The following ANXA8 variants were observed in gnomAD, a reference collection of about 807,000 sequenced individuals.
The protein encoded by ANXA8 is VAC-beta.
In ANXA8, 9 loss-of-function variants were observed where a neutral mutation model predicts 26.8. The observed-to-expected ratio is 0.34, with a 90% CI of 0.20 to 0.59. The LOEUF (loss-of-function observed/expected upper bound fraction) is 0.59. Ranked by LOEUF, ANXA8 falls within the 20% of genes least tolerant of loss-of-function variation. The pLI, the probability that ANXA8 is intolerant of heterozygous loss-of-function variation, is 0.84. For synonymous variants in ANXA8, 39 were observed against 94.8 expected, an observed-to-expected ratio of 0.41 and a Z score of 3.42; for missense variants, 83 against 238.5, an observed-to-expected ratio of 0.35 and a Z score of 4.29.
At chr10:47,733,175 T>TTCTTTCTTTCTTTCTCTC in the ANXA8 span, among the ~76,000 whole-genome samples, 1 of 93,270 alleles carries the variant, frequency 1.1e-5, no homozygotes, top group African/African-American at 3.2e-5. Context: ...CTTTCTTTCT[T>TTCTTTCTTTCTTTCTCTC]TCTTTCTTTC....
At chr10:47,605,075 AAAGGAATTATC>A in the ANXA8 span, among the ~76,000 whole-genome samples, 1 of 150,196 alleles carries the variant, frequency 6.7e-6, no homozygotes, top group Non-Finnish European at 1.5e-5. Context: ...ACACTCTAGG[AAAGGAATTATC>A]AATCTGTTTA....
At chr10:47,627,384 T>C in the ANXA8 span, among the ~76,000 whole-genome samples, 9 of 150,242 alleles carry the variant, frequency 6.0e-5, 1 homozygote, top group African/African-American at 2.3e-4. Context: ...TTCTTGAAGT[T>C]TCTCTCAAAC....
chr10:47,776,657 G>A, the ANXA8 span, among the ~76,000 whole-genome samples: 4 of 151,886 alleles, frequency 2.6e-5, no homozygotes, highest in Admixed American at 6.6e-5. Flanking sequence ...AACAATCTCT[G>A]GCCAGGAAAC....
At chr10:47,618,480 G>C in the ANXA8 span, among the ~76,000 whole-genome samples, 2 of 110,262 alleles carry the variant, frequency 1.8e-5, no homozygotes, top group Non-Finnish European at 3.9e-5. Context: ...TTTTAATGTG[G>C]TATCAAATTT....
chr10:47,747,223 G>C, the ANXA8 span, among the ~76,000 whole-genome samples: 3 of 152,178 alleles, frequency 2.0e-5, no homozygotes, highest in South Asian at 6.2e-4. Flanking sequence ...TCTTCAGCTG[G>C]AGAGACAAGA....
At chr10:47,605,960 C>T in the ANXA8 span, among the ~76,000 whole-genome samples, 1 of 150,766 alleles carries the variant, frequency 6.6e-6, no homozygotes, top group African/African-American at 2.5e-5. Flanking sequence ...AACATCTATC[C>T]TTCCAAAAGT....
the ANXA8 span, among the ~76,000 whole-genome samples, chr10:47,769,045 G>A: frequency 2.1e-5 from 3 of 146,100 alleles, no homozygotes; most frequent in Admixed American, 6.8e-5. Context: ...TCTCAGTCCT[G>A]ACCACAGGCC....
At chr10:47,593,513 C>A in the ANXA8 span, among the ~76,000 whole-genome samples, 1 of 149,890 alleles carries the variant, frequency 6.7e-6, no homozygotes, top group East Asian at 1.9e-4. Flanking sequence ...ACCAAGACCC[C>A]ACCTGCCAGC....
At chr10:47,586,204 C>A in the ANXA8 span, among the ~76,000 whole-genome samples, 1 of 145,416 alleles carries the variant, frequency 6.9e-6, no homozygotes, top group Non-Finnish European at 1.5e-5. Context: ...GAATCCCCGT[C>A]CACCATATAC....
chr10:47,956,734 G>C, the ANXA8 span, among the ~76,000 whole-genome samples: 4 of 150,378 alleles, frequency 2.7e-5, no homozygotes, highest in African/African-American at 7.4e-5. Flanking sequence ...AATGAGCCCT[G>C]TCCTGTGTCC....
chr10:47,535,688 G>C, the ANXA8 span, among the ~76,000 whole-genome samples: 1 of 108,876 alleles, frequency 9.2e-6, no homozygotes, highest in Non-Finnish European at 1.7e-5. Context: ...TTTCATACTA[G>C]TCTAGAATAT....
chr10:47,682,209 A>G, the ANXA8 span, among the ~76,000 whole-genome samples: 2 of 132,818 alleles, frequency 1.5e-5, no homozygotes, highest in Non-Finnish European at 3.2e-5. Flanking sequence ...AGGAAAACTG[A>G]GCAATGTTTC....
the ANXA8 span, among the ~76,000 whole-genome samples, chr10:47,577,336 A>G: frequency 8.8e-4 from 129 of 147,412 alleles, no homozygotes; most frequent in African/African-American, 3.2e-3. Context: ...GGAGTCCACA[A>G]CCAGCCTGGG....
chr10:47,937,101 C>A, the ANXA8 span, among the ~76,000 whole-genome samples: 2 of 150,028 alleles, frequency 1.3e-5, no homozygotes, highest in Admixed American at 1.3e-4. Context: ...TCCTTCTAGT[C>A]CTCCTCTCGC....
the ANXA8 span, among the ~76,000 whole-genome samples, chr10:47,556,704 C>T: frequency 6.6e-6 from 1 of 151,804 alleles, no homozygotes; most frequent in African/African-American, 2.4e-5. Flanking sequence ...AGGGAGTCTT[C>T]AGCTTTCTTT....
At chr10:47,701,696 A>T in the ANXA8 span, among the ~76,000 whole-genome samples, 19 of 151,980 alleles carry the variant, frequency 1.3e-4, no homozygotes, top group Admixed American at 5.2e-4. Flanking sequence ...TGCAGGAAGG[A>T]TAAACCAGAA....
At chr10:47,559,907 T>A in the ANXA8 span, among the ~76,000 whole-genome samples, 4 of 151,790 alleles carry the variant, frequency 2.6e-5, no homozygotes, top group Non-Finnish European at 4.4e-5. Context: ...CTACAGAAAA[T>A]GCCTGTGGTG....
chr10:47,726,734 A>C, the ANXA8 span: 1 of 753,276 alleles, frequency 1.3e-6, no homozygotes, highest in Non-Finnish European at 2.3e-6. Context: ...AAGCATTAAA[A>C]TTAATCCTGC....
At chr10:47,759,431 CA>C in the ANXA8 span, among the ~76,000 whole-genome samples, 2 of 90,544 alleles carry the variant, frequency 2.2e-5, no homozygotes, top group Non-Finnish European at 4.5e-5. Flanking sequence ...CACCACTCAC[CA>C]AATCTCTCCC....
Sources: allele counts gnomAD v4.1 joint callset (sites outside exome capture counted in the v4.1 genomes callset), GRCh38; gene constraint gnomAD v4.1.1; transcripts MANE v1.5; gene names NCBI Gene and HGNC (gene_info 2026-07-23, HGNC 2026-07-21).